TEX29: variants seen among roughly 807,000 people sequenced by gnomAD.
TEX29 encodes the protein testis expressed 29, also known as testis-expressed protein 29.
In TEX29, 26 loss-of-function variants were observed where a neutral mutation model predicts 18.2. The observed-to-expected ratio is 1.43, with a 90% confidence interval of 1.04 to 1.98. The LOEUF is 1.98. Ranked by LOEUF, TEX29 falls within the 30% of genes most tolerant of loss-of-function variation. TEX29 has a pLI of 0.00. For missense variants in TEX29, 177 were observed against 194.2 expected, an observed-to-expected ratio of 0.91 and a Z score of 0.53; for synonymous variants, 83 against 78.5, an observed-to-expected ratio of 1.06 and a Z score of -0.31.
chr13:111,325,853 A>G (rs558945117), intron 2 of TEX29, among the ~76,000 whole-genome samples: 26 of 152,346 alleles, frequency 1.7e-4, no homozygotes, highest in African/African-American at 3.6e-4. Flanking sequence ...CACTTTATGA[A>G]TAAAAATAAT....
intron 3 of TEX29, among the ~76,000 whole-genome samples, chr13:111,333,215 C>T (rs1167596544): frequency 6.6e-6 from 1 of 150,518 alleles, no homozygotes; most frequent in Admixed American, 6.6e-5. Context: ...CTGAGTTTAT[C>T]CTACTCAGAG....
upstream of TEX29, among the ~76,000 whole-genome samples, chr13:111,318,287 G>A (rs771958996): frequency 6.6e-5 from 10 of 152,030 alleles, no homozygotes; most frequent in Non-Finnish European, 1.0e-4. Context: ...AGAACCCCAC[G>A]GCAGCTCCAC....
chr13:111,337,793 T>G (rs1346736011), intron 3 of TEX29, among the ~76,000 whole-genome samples: 2 of 152,130 alleles, frequency 1.3e-5, no homozygotes, highest in Non-Finnish European at 2.9e-5. Flanking sequence ...AGTGTGCTCC[T>G]CGGTACATGC....
chr13:111,326,794 G>A (rs2093674696), intron 2 of TEX29, among the ~76,000 whole-genome samples: 2 of 152,172 alleles, frequency 1.3e-5, no homozygotes, highest in African/African-American at 4.8e-5. Flanking sequence ...GCGTCAGAAA[G>A]TGGAGGCAGT....
chr13:111,334,299 T>G (rs2093686641), intron 3 of TEX29, among the ~76,000 whole-genome samples: 2 of 152,242 alleles, frequency 1.3e-5, no homozygotes, highest in Admixed American at 6.5e-5. Context: ...CAGTAAAGTC[T>G]TTATTCTTTG....
At chr13:111,324,608 C>T (rs1327273754) in intron 2 of TEX29, among the ~76,000 whole-genome samples, 8 of 149,768 alleles carry the variant, frequency 5.3e-5, no homozygotes, top group East Asian at 1.9e-4. Context: ...TGCAAGTGTG[C>T]GTTTCACAGA....
At chr13:111,329,303 C>T (rs549315635) in intron 3 of TEX29, among the ~76,000 whole-genome samples, 1 of 152,226 alleles carries the variant, frequency 6.6e-6, no homozygotes, top group Admixed American at 6.5e-5. Flanking sequence ...CTCTAGGCTT[C>T]CTTGGAGATG....
At chr13:111,328,049 G>A in intron 2 of TEX29, 134 bp from the exon 3 acceptor site, 1 of 606,912 alleles carries the variant, frequency 1.6e-6, no homozygotes. Flanking sequence ...TTTGCAGGAT[G>A]CGTAATTGAG....
At chr13:111,341,823 T>G (rs1212616175) in intron 4 of TEX29, among the ~76,000 whole-genome samples, 1 of 152,272 alleles carries the variant, frequency 6.6e-6, no homozygotes, top group East Asian at 1.9e-4. Context: ...CTCAGCCTTT[T>G]CAGCCCTTGA....
intron 4 of TEX29, among the ~76,000 whole-genome samples, 162 bp from the exon 5 acceptor site, chr13:111,342,594 C>T (rs974462536): frequency 3.6e-5 from 5 of 140,430 alleles, no homozygotes; most frequent in Non-Finnish European, 7.7e-5. Flanking sequence ...GAGAAAGAAA[C>T]GAAAATGAGA....
chr13:111,327,376 C>T (rs1206376587), intron 2 of TEX29, among the ~76,000 whole-genome samples: 1 of 152,192 alleles, frequency 6.6e-6, no homozygotes, highest in Non-Finnish European at 1.5e-5. Flanking sequence ...CCCTCCCGGC[C>T]CCTGTCCCAG....
At chr13:111,326,456 TG>T (rs2093673641) in intron 2 of TEX29, among the ~76,000 whole-genome samples, 1 of 112,686 alleles carries the variant, frequency 8.9e-6, no homozygotes, top group Non-Finnish European at 1.8e-5. Context: ...GGGTGTCTGG[TG>T]GGGTGGAAGA....
chr13:111,331,885 A>T (rs1320880322), intron 3 of TEX29, among the ~76,000 whole-genome samples: 1 of 152,162 alleles, frequency 6.6e-6, no homozygotes, highest in Non-Finnish European at 1.5e-5. Flanking sequence ...TTATTTCTAG[A>T]TTCTCAATTC....
At chr13:111,324,598 T>G (rs546831194) in intron 2 of TEX29, among the ~76,000 whole-genome samples, 14 of 151,278 alleles carry the variant, frequency 9.3e-5, no homozygotes, top group Admixed American at 5.9e-4. Flanking sequence ...GAAGAATTCC[T>G]GCAAGTGTGC....
chr13:111,316,233 G>A (rs918355016), upstream of TEX29: 1 of 506,514 alleles, frequency 2.0e-6, no homozygotes, highest in African/African-American at 1.9e-5. Context: ...TGTCAAGGAA[G>A]ACAGGAAGTA....
chr13:111,323,129 C>T (rs2093667377), intron 2 of TEX29, among the ~76,000 whole-genome samples: 1 of 152,240 alleles, frequency 6.6e-6, no homozygotes, highest in South Asian at 2.1e-4. Context: ...GGTGCAGAGC[C>T]CTGCACGCCT....
chr13:111,344,117 GGACT>G lies in TEX29; in HGVS notation c.*1_*4del. On this transcript the variant is annotated frameshift_variant and stop_lost, in exon 6 of 6. Coordinates refer to ENST00000283547, the MANE Select transcript of TEX29 (RefSeq NM_152324.3). LOFTEE classifies it high-confidence loss of function. The stretch of plus-strand genomic sequence containing the variant: ...CAATAACAGAAGCCGAAGAAACTGA[GGACT>G]GACTGAGACGCATGAAGAAGTGGAG... The G allele has an allele frequency of 1.9e-6, 3 of 1,613,134 alleles. No individual in the cohort carries two copies. Among genetic ancestry groups the G allele is most frequent in the Non-Finnish European group, 2.5e-6 (3 of 1,179,362 alleles).
At position 111,326,647 on chromosome 13, in the gene TEX29, G is replaced by A. The variant is rs28402893; in HGVS notation, c.59-1536G>A. Among the ~76,000 whole-genome samples, 80 of 12,552 alleles carry A rather than the reference G, an allele frequency of 6.4e-3. 2 individuals are homozygous for A. Among genetic ancestry groups the A allele is most frequent in the Non-Finnish European group, 0.011 (59 of 5,558 alleles). 8.2% of individuals were successfully genotyped at this position (12,552 alleles called of 152,430 possible). Reference sequence around the variant, plus strand: ...TGGGGTGGAGGAGACCACGGGCAGTGCGAGCCTGTCTGGTGGGGTGGAGAC... The same window carrying A: ...TGGGGTGGAGGAGACCACGGGCAGTACGAGCCTGTCTGGTGGGGTGGAGAC... On this transcript the variant is annotated intron_variant, in intron 2 of 5. Coordinates refer to ENST00000283547, the MANE Select transcript of TEX29 (RefSeq NM_152324.3).
intron 2 of TEX29, among the ~76,000 whole-genome samples, chr13:111,323,852 C>T (rs1280688423): frequency 3.9e-5 from 6 of 152,240 alleles, no homozygotes; most frequent in Admixed American, 3.3e-4. Flanking sequence ...GATCCCTGCC[C>T]AGCTTCCTCC....
Sources: allele counts gnomAD v4.1 joint callset (sites outside exome capture counted in the v4.1 genomes callset), GRCh38; gene constraint gnomAD v4.1.1; transcripts MANE v1.5; gene names NCBI Gene and HGNC (gene_info 2026-07-23, HGNC 2026-07-21).